Variants in GREB1L observed in about 807,000 individuals in gnomAD.
GREB1L encodes GREB1 like retinoic acid receptor coactivator, also known as GREB1-like protein.
A neutral mutation model predicts 200.8 loss-of-function variants in GREB1L; 17 were observed. The observed-to-expected ratio is 0.08, with a 90% confidence interval of 0.06 to 0.13. The LOEUF (loss-of-function observed/expected upper bound fraction) is 0.13, where lower values mean the gene tolerates loss of function less well. GREB1L is among the 10% of genes least tolerant of loss of function. The probability of loss-of-function intolerance (pLI) is 1.00; values close to 1 mark genes in which losing one functional copy is unlikely to be tolerated. For synonymous variants in GREB1L, 789 were observed against 893.0 expected, an observed-to-expected ratio of 0.88 and a Z score of 2.08; for missense variants, 1,657 against 2,367.7, an observed-to-expected ratio of 0.70 and a Z score of 6.23.
intron 1 of GREB1L, among the ~76,000 whole-genome samples, chr18:21,300,848 T>C (rs1436534921): frequency 6.6e-6 from 1 of 152,192 alleles, no homozygotes; most frequent in African/African-American, 2.4e-5. Flanking sequence ...GGCTGCCTAT[T>C]TGAACAAGAT....
intron 7 of GREB1L, among the ~76,000 whole-genome samples, chr18:21,424,887 G>A (rs1480169580): frequency 1.3e-5 from 2 of 151,982 alleles, no homozygotes; most frequent in African/African-American, 2.4e-5. Flanking sequence ...TCTGTTCTGG[G>A]CATTTCATAT....
intron 18 of GREB1L, among the ~76,000 whole-genome samples, chr18:21,487,075 C>T (rs2036156103): frequency 6.6e-6 from 1 of 152,234 alleles, no homozygotes; most frequent in African/African-American, 2.4e-5. Context: ...GACACTGTGA[C>T]ATTAATCCTT....
chr18:21,285,988 G>C (rs1285155087), intron 1 of GREB1L, among the ~76,000 whole-genome samples: 1 of 152,180 alleles, frequency 6.6e-6, no homozygotes, highest in African/African-American at 2.4e-5. Flanking sequence ...AATGGTCTGT[G>C]ATGAAGACCA....
At chr18:21,342,541 A>G (rs1598675097) in intron 1 of GREB1L, among the ~76,000 whole-genome samples, 1 of 152,312 alleles carries the variant, frequency 6.6e-6, no homozygotes, top group Middle Eastern at 3.4e-3. Flanking sequence ...TGCAGGCTCT[A>G]GCAATGGCAT....
intron 1 of GREB1L, among the ~76,000 whole-genome samples, chr18:21,335,666 CT>C (rs746907148): frequency 0.012 from 1,715 of 139,156 alleles, 26 homozygotes; most frequent in African/African-American, 0.039. Context: ...TTCTTTTTTT[CT>C]TTTTTTTTTT....
intron 1 of GREB1L, among the ~76,000 whole-genome samples, chr18:21,271,927 A>G (rs1451666332): frequency 6.6e-6 from 1 of 152,202 alleles, no homozygotes; most frequent in African/African-American, 2.4e-5. Flanking sequence ...TAGACCAACC[A>G]AAATCTTCCC....
At position 21,431,919 on chromosome 18, in the gene GREB1L, CTT is replaced by C. The variant is rs773523492; in HGVS notation, c.833-7582_833-7581del. ...TTAGAGTCTATTTTTCTTTTCTTTTCTTTTTTTTTTTTTTTTTTTTTGAGACA... is the reference window on the plus strand; with the variant it reads ...TTAGAGTCTATTTTTCTTTTCTTTTCTTTTTTTTTTTTTTTTTTTGAGACA... On this transcript the variant is annotated intron_variant, in intron 7 of 32. Transcript: ENST00000424526. 2.5e-3 allele frequency among the ~76,000 whole-genome samples: 229 copies of C among 91,254 alleles called. 1 individual carries two copies. The highest frequency in any genetic ancestry group is 0.011 in the African/African-American group (201 of 18,666). 59.9% of individuals were successfully genotyped at this position (91,254 alleles called of 152,430 possible). A position where few individuals can be genotyped will look rare whatever the true frequency, so the allele number is the denominator to read the frequency against.
At chr18:21,243,506 C>A (rs1294105791) in intron 1 of GREB1L, among the ~76,000 whole-genome samples, 6 of 152,214 alleles carry the variant, frequency 3.9e-5, no homozygotes, top group Non-Finnish European at 5.9e-5. Context: ...CCCCCCGCCT[C>A]GAGGCGGGAA....
intron 1 of GREB1L, among the ~76,000 whole-genome samples, chr18:21,310,327 T>C (rs1289545395): frequency 2.0e-5 from 3 of 152,188 alleles, no homozygotes; most frequent in African/African-American, 7.2e-5. Context: ...CCCAGCACTT[T>C]GGGAGGCAGA....
intron 2 of GREB1L, among the ~76,000 whole-genome samples, chr18:21,370,118 T>C (rs1183632477): frequency 6.6e-6 from 1 of 152,240 alleles, no homozygotes; most frequent in African/African-American, 2.4e-5. Flanking sequence ...ACTTCTGTTT[T>C]GAATGCATGG....
intron 1 of GREB1L, among the ~76,000 whole-genome samples, chr18:21,320,389 C>T (rs868409327): frequency 6.6e-6 from 1 of 151,996 alleles, no homozygotes; most frequent in Admixed American, 6.5e-5. Flanking sequence ...GCTTAAAGTG[C>T]AGATACAAGA....
intron 1 of GREB1L, among the ~76,000 whole-genome samples, chr18:21,271,204 TG>T (rs993330264): frequency 6.6e-6 from 1 of 152,238 alleles, no homozygotes; most frequent in African/African-American, 2.4e-5. Context: ...TGAGTGGTTT[TG>T]GGCCCATTGA....
At chr18:21,376,812 C>CAAAAAAAA (rs534144361) in intron 2 of GREB1L, among the ~76,000 whole-genome samples, 1 of 59,642 alleles carries the variant, frequency 1.7e-5, no homozygotes, top group Non-Finnish European at 3.5e-5. Flanking sequence ...GAGTCCGTCT[C>CAAAAAAAA]AAAAAAAAAA....
intron 1 of GREB1L, among the ~76,000 whole-genome samples, chr18:21,321,031 T>C (rs1173817789): frequency 1.3e-5 from 2 of 152,060 alleles, no homozygotes; most frequent in Non-Finnish European, 2.9e-5. Context: ...CTCTGGCTAA[T>C]GCCTGTAATT....
Position 21,505,977 on chromosome 18 carries a change from C to A in GREB1L, c.4368+28C>A, listed in dbSNP as rs755043179. 5.8e-6 allele frequency: 9 copies of A among 1,541,966 alleles called. No individual in the cohort carries two copies. The Admixed American group carries it at 1.6e-4, about 27-fold the overall frequency. ...ACCATCCCACCTTCGCCCTCGCCCT[C>A]TGTCACCCAGTATGGATTTTGTATG... On this transcript the variant is annotated intron_variant, in intron 25 of 32. Transcript: ENST00000424526.
intron 32 of GREB1L, among the ~76,000 whole-genome samples, chr18:21,521,091 G>C (rs1183330938): frequency 1.3e-5 from 2 of 152,138 alleles, no homozygotes; most frequent in Admixed American, 1.3e-4. Context: ...CAGCTACTGG[G>C]GAGGCTGAGG....
chr18:21,430,886 G>A (rs1326490226), intron 7 of GREB1L, among the ~76,000 whole-genome samples: 9 of 151,090 alleles, frequency 6.0e-5, no homozygotes, highest in Non-Finnish European at 2.9e-5. Context: ...GTGAGCCACC[G>A]CACCTGGCCT....
intron 1 of GREB1L, among the ~76,000 whole-genome samples, chr18:21,246,216 C>T (rs1472345859): frequency 6.6e-6 from 1 of 152,016 alleles, no homozygotes; most frequent in African/African-American, 2.4e-5. Flanking sequence ...TTTATTTTCT[C>T]AGAACTTTAG....
At chr18:21,420,499 A>C (rs1192379106) in intron 7 of GREB1L, among the ~76,000 whole-genome samples, 1 of 152,230 alleles carries the variant, frequency 6.6e-6, no homozygotes, top group Non-Finnish European at 1.5e-5. Flanking sequence ...CCAGTTTTTA[A>C]AATGAGAAAA....
Sources: gnomAD v4.1 joint callset for allele counts (sites outside exome capture counted in the v4.1 genomes callset) on GRCh38, gnomAD v4.1.1 for gene constraint, MANE v1.5 for transcripts, NCBI Gene and HGNC (gene_info 2026-07-23, HGNC 2026-07-21) for gene names.